Variants in RNF213 observed in about 807,000 individuals in gnomAD.
RNF213 encodes the protein ring finger protein 213.
Under a neutral mutation model 514.4 loss-of-function variants are expected in RNF213, and 341 were observed. The observed-to-expected ratio is 0.66, with a 90% confidence interval of 0.61 to 0.73. The LOEUF (loss-of-function observed/expected upper bound fraction) is 0.73, where lower values mean the gene tolerates loss of function less well. RNF213 is among the 30% of genes least tolerant of loss of function. The probability of loss-of-function intolerance (pLI) is 0.00; values close to 1 mark genes in which losing one functional copy is unlikely to be tolerated. For missense variants in RNF213, 5,767 were observed against 6,615.6 expected, an observed-to-expected ratio of 0.87 and a Z score of 4.45; for synonymous variants, 2,655 against 2,658.2, an observed-to-expected ratio of 1.00 and a Z score of 0.04.
Position 80,298,318 on chromosome 17 carries a change from C to T in RNF213, c.2013-3C>T. 3 of 1,614,080 alleles carry T rather than the reference C, an allele frequency of 1.9e-6. No homozygotes were observed. Among genetic ancestry groups the T allele is most frequent in the Non-Finnish European group, 1.7e-6 (2 of 1,179,992 alleles). On this transcript the variant is annotated splice_polypyrimidine_tract_variant and splice_region_variant and intron_variant, in intron 10 of 67. Transcript: ENST00000582970. Reference sequence around the variant, plus strand: ...TCACTGCGGGATCTTTATTCCCTTCCAGCTGGCGGCTGTACCTGGTGAACC... The same window carrying T: ...TCACTGCGGGATCTTTATTCCCTTCTAGCTGGCGGCTGTACCTGGTGAACC...
At chr17:80,358,596 A>G (rs9915562) in intron 37 of RNF213, 117 bp downstream of exon 37, 629,942 of 906,738 alleles carry the variant, frequency 0.69, 222,061 homozygotes, top group African/African-American at 0.82. Flanking sequence ...CAACGTTGAC[A>G]TGGGTGCTTT....
In RNF213 at chr17:80,345,114, G is replaced by A. The variant is rs1405286142; in HGVS notation, c.6779G>A (p.Arg2260Lys). ...GTGACCTTCATGATCTTTATGGCAA[G>A]AGATTTTGCCACACCATCACTCCAC... ...FVVTFMIFMA[R>K]DFATPSLHTS... Residue 2260 changes from arginine (R) to lysine (K), a missense_variant, in exon 29 of 68, where the codon AGA becomes AAA. Physicochemically the swap from Arg to Lys is conservative, Grantham distance 26. This residue lies in a region of RNF213 where 1,377 missense variants were observed against 1,635.2 expected (regional missense o/e 0.84). Transcript: ENST00000582970. The surrounding 1 kb of genome is among the most constrained non-coding windows in gnomAD (Gnocchi z 6.0). 1 of 1,614,084 alleles carries A rather than the reference G, an allele frequency of 6.2e-7. No individual in the cohort carries two copies. Among genetic ancestry groups the A allele is most frequent in the East Asian group, 2.2e-5 (1 of 44,884 alleles).
chr17:80,362,973 G>A lies in RNF213; in HGVS notation c.11356-129G>A, dbSNP rs1382961552. Reference sequence around the variant, plus strand: ...GATAGAAAACTGGACAGAAGCAAACGGGACAGAATAGCACACATGGTTTCT... The same window carrying A: ...GATAGAAAACTGGACAGAAGCAAACAGGACAGAATAGCACACATGGTTTCT... On this transcript the variant is annotated intron_variant, in intron 39 of 67. Transcript: ENST00000582970. 1.9e-5 allele frequency: 17 copies of A among 901,108 alleles called. 1 individual carries two copies. The highest frequency in any genetic ancestry group is 3.4e-5 in the African/African-American group (2 of 59,628). The allele number at this position is 901,108 out of a possible 1,614,324, so 55.8% of individuals were successfully genotyped here. A position where few individuals can be genotyped will look rare whatever the true frequency, so the allele number is the denominator to read the frequency against.
intron 35 of RNF213, 136 bp downstream of exon 35, chr17:80,354,302 C>CT (rs755187380): frequency 1.2e-5 from 18 of 1,501,062 alleles, no homozygotes; most frequent in Non-Finnish European, 1.7e-5. Flanking sequence ...CAGTGGGAAT[C>CT]TAAGAGCATC....
intron 17 of RNF213, among the ~76,000 whole-genome samples, chr17:80,322,185 A>C (rs1372564026): frequency 1.2e-5 from 1 of 83,106 alleles, no homozygotes; most frequent in African/African-American, 4.9e-5. Context: ...TTTTGAGAAA[A>C]GGTCTCGCTT....
chr17:80,274,656 G>A (rs28522812), intron 3 of RNF213, among the ~76,000 whole-genome samples: 1 of 5,036 alleles, frequency 2.0e-4, no homozygotes, highest in African/African-American at 1.5e-3. Flanking sequence ...GAGTGTGTGG[G>A]GTGAGTGGGG....
Position 80,386,355 on chromosome 17 carries a change from C to T in RNF213, c.14645C>T (p.Ala4882Val), listed in dbSNP as rs147408147. 1 of 1,614,160 alleles carries T rather than the reference C, an allele frequency of 6.2e-7. No homozygotes were observed. The highest frequency in any genetic ancestry group is 1.3e-5 in the African/African-American group (1 of 75,052). ...CGGGGCCTGGGCCTCTGTGCTACCG[C>T]TCTCGTCAGCTACTTGATTCGCCTA... ...RRRGLGLCAT[A>V]LVSYLIRLHN... The change falls in exon 62 of 68, where the codon GCT becomes GTT. Residue 4882 changes from alanine to valine, a missense_variant. By Grantham distance (64) the Ala-to-Val change is moderately conservative. Transcript: ENST00000582970.
chr17:80,287,607 T>C (rs1287873559), intron 3 of RNF213, among the ~76,000 whole-genome samples: 3 of 152,192 alleles, frequency 2.0e-5, no homozygotes, highest in African/African-American at 7.2e-5. Context: ...GGCGAGCGCT[T>C]CAAGGCCACT....
In RNF213 at chr17:80,396,679, A is replaced by ACGAATCC. The variant is rs1357212292; in HGVS notation, c.*3184_*3190dup. On this transcript the variant is annotated 3_prime_UTR_variant, in exon 68 of 68. Transcript: ENST00000582970. ...TTCATTAAGTTCAACCATTACCATT[A>ACGAATCC]CGAATCCCGTTTCCAGCTGGAAAAA... The ACGAATCC allele has an allele frequency of 1.4e-5, 2 of 144,136 alleles. No individual in the cohort carries two copies. Among genetic ancestry groups the ACGAATCC allele is most frequent in the African/African-American group, 5.1e-5 (2 of 39,186 alleles). 8.9% of individuals were successfully genotyped at this position (144,136 alleles called of 1,614,324 possible).
rs1319648042 is a variant in RNF213 at position 80,332,256 on chromosome 17, G to T, written c.3768G>T (p.Leu1256Phe). ...EPKEDQEAAE[L>F]LSEPEEESER... is the part of the protein sequence containing the mutation. ...AGGAGGACCAGGAAGCCGCAGAGTT[G>T]CTGAGTGAGCCCGAAGAAGAATCAG... Residue 1256 changes from leucine (L) to phenylalanine (F), a missense_variant, in exon 21 of 68, where the codon TTG (leucine) becomes TTT (phenylalanine). Leu to Phe is a conservative substitution (Grantham distance 22). This residue lies in a region of RNF213 where 516 missense variants were observed against 566.5 expected (regional missense o/e 0.91). Transcript: ENST00000582970. 1 of 1,537,236 alleles carries T rather than the reference G, an allele frequency of 6.5e-7. No individual in the cohort carries two copies. Among genetic ancestry groups the T allele is most frequent in the South Asian group, 1.2e-5 (1 of 84,058 alleles).
intron 13 of RNF213, among the ~76,000 whole-genome samples, chr17:80,308,358 C>T (rs2045446877): frequency 6.6e-6 from 1 of 152,056 alleles, no homozygotes; most frequent in South Asian, 2.1e-4. Context: ...TCCCCTCCAT[C>T]AACTCTCCTC....
chr17:80,367,703 C>T, intron 42 of RNF213, 45 bp from the exon 43 acceptor site: 1 of 1,546,722 alleles, frequency 6.5e-7, no homozygotes, highest in East Asian at 2.2e-5. Context: ...TGGCCGCCCT[C>T]AGCCCTCCCC....
Position 80,325,158 on chromosome 17 carries a change from G to C in RNF213, c.3153G>C (p.Leu1051=), listed in dbSNP as rs1468491816. ...ADNFDDILKH[L]LTLADVKHVF... is the part of the protein sequence containing the mutation. ...ACTTCGATGACATTTTAAAGCATCT[G>C]CTCACGTTGGCAGATGTCAAGCACG... Residue 1051 remains leucine, a synonymous_variant, in exon 18 of 68, where the codon CTG becomes CTC. Coordinates refer to ENST00000582970, the MANE Select transcript of RNF213 (RefSeq NM_001256071.3). The C allele has an allele frequency of 1.3e-6, 2 of 1,536,086 alleles. No homozygotes were observed. The highest frequency in any genetic ancestry group is 1.7e-6 in the Non-Finnish European group (2 of 1,145,970).
rs1414962904 is a variant in RNF213, at chr17:80,393,947, G to A, written c.*449G>A. The A allele has an allele frequency of 5.3e-6, 1 of 188,166 alleles. No individual in the cohort carries two copies. The highest frequency in any genetic ancestry group is 2.4e-5 in the African/African-American group (1 of 41,834). The allele number at this position is 188,166 out of a possible 1,614,324, so 11.7% of individuals were successfully genotyped here. On this transcript the variant is annotated 3_prime_UTR_variant, in exon 68 of 68. Transcript: ENST00000582970. ...TTTCTTCCATTCCCTTAAATTCTGA[G>A]TACTGTACATATATTTCTGGGTTCC...
intron 17 of RNF213, 21 bp from the exon 18 acceptor site, chr17:80,325,009 C>G (rs772816999): frequency 3.1e-5 from 47 of 1,535,210 alleles, no homozygotes; most frequent in Non-Finnish European, 3.8e-5. Flanking sequence ...AAATGTCCCT[C>G]TTTTATTAAT....
At chr17:80,276,608 A>G (rs1247987479) in intron 3 of RNF213, among the ~76,000 whole-genome samples, 2 of 146,400 alleles carry the variant, frequency 1.4e-5, no homozygotes, top group Non-Finnish European at 3.0e-5. Context: ...TCCTTCCTCA[A>G]AGAGAGAGAG....
At chr17:80,277,800 C>T (rs59110729) in intron 3 of RNF213, among the ~76,000 whole-genome samples, 9,275 of 152,176 alleles carry the variant, frequency 0.061, 591 homozygotes, top group African/African-American at 0.16. Context: ...TAAGCGCAGA[C>T]GCCGCATTCT....
rs2079145268 is a variant in RNF213 at position 80,363,778 on chromosome 17, T to C, written c.11738T>C (p.Ile3913Thr). Reference sequence around the variant, plus strand: ...AGCGGGAGCCTGGCCCAGGCTGTCATCAGGGAAGTCAGGTGAGACCCAGGA... The same window carrying C: ...AGCGGGAGCCTGGCCCAGGCTGTCACCAGGGAAGTCAGGTGAGACCCAGGA... ...QGSGSLAQAV[I>T]REVRAQWSRI... Residue 3913 changes from isoleucine to threonine, a missense_variant, in exon 41 of 68, where the codon ATC becomes ACC. This residue lies in a region of RNF213 where 355 missense variants were observed against 358.0 expected (regional missense o/e 0.99). Coordinates refer to ENST00000582970, the MANE Select transcript of RNF213 (RefSeq NM_001256071.3). The C allele has an allele frequency of 6.2e-7, 1 of 1,613,190 alleles. No homozygotes were observed. The highest frequency in any genetic ancestry group is 8.5e-7 in the Non-Finnish European group (1 of 1,179,970).
intron 37 of RNF213, among the ~76,000 whole-genome samples, chr17:80,359,451 G>C (rs1255381868): frequency 7.3e-6 from 1 of 137,670 alleles, no homozygotes; most frequent in African/African-American, 2.7e-5. Flanking sequence ...TTGAGCCCAG[G>C]AGTTTGAGGT....
Sources: gnomAD v4.1 joint callset for allele counts (sites outside exome capture counted in the v4.1 genomes callset) on GRCh38, gnomAD v4.1.1 for gene constraint, gnomAD v4.1.1 regional missense constraint, Gnocchi (gnomAD v3.1) non-coding constraint, MANE v1.5 for transcripts, NCBI Gene and HGNC (gene_info 2026-07-23, HGNC 2026-07-21) for gene names.